Variants in CNNM2 observed in about 807,000 individuals in gnomAD.
CNNM2 encodes metal transporter CNNM2.
A neutral mutation model predicts 66.9 loss-of-function variants in CNNM2; 12 were observed. The ratio of observed to expected loss-of-function variants is 0.18; its 90% CI spans 0.11 to 0.29. The LOEUF is 0.29. Among genes scored for constraint, CNNM2 ranks in the 10% least tolerant of loss-of-function variants. The pLI, the probability that CNNM2 is intolerant of heterozygous loss-of-function variation, is 1.00. For synonymous variants in CNNM2, 557 were observed against 501.8 expected (o/e 1.11, Z -1.47); for missense variants, 705 against 1,167.7 (o/e 0.60, Z 5.77).
chr10:102,975,284 G>A (rs1465423763), intron 1 of CNNM2, among the ~76,000 whole-genome samples: 1 of 151,928 alleles, frequency 6.6e-6, no homozygotes, highest in Non-Finnish European at 1.5e-5. Flanking sequence ...ATTTAAATTG[G>A]CACTCATAAT....
rs149111432 is a variant in CNNM2 at position 103,082,485 on chromosome 10, T to C, written c.*5305T>C. On this transcript the variant is annotated 3_prime_UTR_variant, in exon 8 of 8. Transcript: ENST00000369878. ...TGAATCTACTGTGAAGGTGAAGTTA[T>C]CAATTTTTTCTTGTTTGAGTCCTTT... The C allele has an allele frequency of 7.2e-5, 11 of 152,368 alleles. No homozygotes were observed. The highest frequency in any genetic ancestry group is 1.3e-4 in the Non-Finnish European group (9 of 68,032). 9.4% of individuals were successfully genotyped at this position (152,368 alleles called of 1,614,324 possible).
rs546964666 is a variant in CNNM2 at position 103,089,180 on chromosome 10, A to C, written c.*12000A>C. 3.1e-5 allele frequency: 7 copies of C among 224,722 alleles called. No individual in the cohort carries two copies. The highest frequency in any genetic ancestry group is 1.1e-4 in the Admixed American group (2 of 17,500). The allele number at this position is 224,722 out of a possible 1,614,324, so 13.9% of individuals were successfully genotyped here. On this transcript the variant is annotated 3_prime_UTR_variant, in exon 8 of 8. Coordinates refer to ENST00000369878, the MANE Select transcript of CNNM2 (RefSeq NM_017649.5). ...TTAAAGGCTTATAAAAGAAAACTTG[A>C]CCTTAACAGAGACTACATTTGATCA...
At chr10:102,980,622 T>A (rs2063705466) in intron 1 of CNNM2, among the ~76,000 whole-genome samples, 1 of 152,142 alleles carries the variant, frequency 6.6e-6, no homozygotes, top group African/African-American at 2.4e-5. Flanking sequence ...GACTTTCCTT[T>A]TCTGTATTTC....
chr10:103,017,908 G>A (rs1468313563), intron 1 of CNNM2, among the ~76,000 whole-genome samples: 3 of 140,518 alleles, frequency 2.1e-5, no homozygotes, highest in African/African-American at 7.9e-5. Context: ...AGGTTGCAGT[G>A]AACCAAGTTA....
At chr10:103,075,185 C>T (rs375597810) in intron 6 of CNNM2, among the ~76,000 whole-genome samples, 2 of 152,282 alleles carry the variant, frequency 1.3e-5, no homozygotes. Context: ...GGACACATTG[C>T]AAAGAGGAGC....
chr10:102,978,078 T>G (rs1352820116), intron 1 of CNNM2, among the ~76,000 whole-genome samples: 1 of 151,894 alleles, frequency 6.6e-6, no homozygotes, highest in Non-Finnish European at 1.5e-5. Context: ...CCTGGCTAAC[T>G]TTTTGTATTT....
chr10:103,018,974 A>G (rs544442162), intron 1 of CNNM2, among the ~76,000 whole-genome samples: 1 of 149,248 alleles, frequency 6.7e-6, no homozygotes, highest in Admixed American at 6.6e-5. Context: ...CCTTTCTTAA[A>G]AGGATATTTA....
intron 5 of CNNM2, among the ~76,000 whole-genome samples, chr10:103,069,006 C>G (rs1429546742): frequency 6.6e-6 from 1 of 152,190 alleles, no homozygotes; most frequent in East Asian, 1.9e-4. Flanking sequence ...CACTGGTCCC[C>G]CAGAGTAACT....
intron 1 of CNNM2, among the ~76,000 whole-genome samples, chr10:103,032,994 T>C (rs1230234410): frequency 6.6e-6 from 1 of 151,494 alleles, no homozygotes; most frequent in Non-Finnish European, 1.5e-5. Context: ...TACCCATGCC[T>C]GTAATCCCAG....
At chr10:103,030,739 G>T (rs2064807011) in intron 1 of CNNM2, among the ~76,000 whole-genome samples, 2 of 152,168 alleles carry the variant, frequency 1.3e-5, no homozygotes, top group South Asian at 4.1e-4. Context: ...TTAGGAGGCA[G>T]TCTTAAATTT....
intron 1 of CNNM2, among the ~76,000 whole-genome samples, chr10:103,003,952 A>AAT (rs1554897586): frequency 7.1e-6 from 1 of 140,060 alleles, no homozygotes; most frequent in Admixed American, 7.2e-5. Flanking sequence ...TAGACTGTGC[A>AAT]TTCTCATTGC....
At chr10:102,978,112 T>C (rs866996744) in intron 1 of CNNM2, among the ~76,000 whole-genome samples, 4 of 151,998 alleles carry the variant, frequency 2.6e-5, no homozygotes. Context: ...CGTTTCACCA[T>C]GTTGGCCAGG....
intron 1 of CNNM2, among the ~76,000 whole-genome samples, chr10:103,022,345 A>G (rs1308419415): frequency 2.0e-5 from 3 of 152,148 alleles, no homozygotes; most frequent in Admixed American, 1.3e-4. Context: ...GGAAGATCCT[A>G]TCATACTTTT....
chr10:102,999,802 C>G (rs2064081355), intron 1 of CNNM2, among the ~76,000 whole-genome samples: 1 of 152,180 alleles, frequency 6.6e-6, no homozygotes, highest in Non-Finnish European at 1.5e-5. Flanking sequence ...TATCACTAAT[C>G]ACTAGGGAAA....
At chr10:102,940,003 A>AAC (rs1554889978) in intron 1 of CNNM2, among the ~76,000 whole-genome samples, 53 of 150,770 alleles carry the variant, frequency 3.5e-4, no homozygotes, top group African/African-American at 6.6e-4. Flanking sequence ...ACAACAACAA[A>AAC]AAAAAAACCG....
chr10:102,940,296 A>G (rs779316471), intron 1 of CNNM2, among the ~76,000 whole-genome samples: 72 of 151,650 alleles, frequency 4.7e-4, no homozygotes, highest in Non-Finnish European at 9.0e-4. Context: ...ATCTGTTTTG[A>G]AAACGCATCT....
chr10:102,968,787 G>A (rs2063504789), intron 1 of CNNM2, among the ~76,000 whole-genome samples: 1 of 151,446 alleles, frequency 6.6e-6, no homozygotes, highest in South Asian at 2.1e-4. Flanking sequence ...TTTTTGTAGA[G>A]ACAGCATCTG....
intron 1 of CNNM2, among the ~76,000 whole-genome samples, chr10:102,938,308 G>C (rs1328692131): frequency 6.6e-6 from 1 of 151,676 alleles, no homozygotes; most frequent in Non-Finnish European, 1.5e-5. Context: ...GCTGGGCATG[G>C]TGGTGGGCAC....
chr10:102,969,762 G>A (rs937789057), intron 1 of CNNM2, among the ~76,000 whole-genome samples: 41 of 151,980 alleles, frequency 2.7e-4, no homozygotes, highest in African/African-American at 9.9e-4. Context: ...TCCTGCCTCA[G>A]CCTCCCGAGT....
Sources: gnomAD v4.1 joint callset for allele counts (sites outside exome capture counted in the v4.1 genomes callset) on GRCh38, gnomAD v4.1.1 for gene constraint, MANE v1.5 for transcripts, NCBI Gene and HGNC (gene_info 2026-07-23, HGNC 2026-07-21) for gene names.